RPS6KC1: variants seen among roughly 807,000 people sequenced by gnomAD.
The protein encoded by RPS6KC1 is ribosomal protein S6 kinase C1, also known as inactive ribosomal protein S6 kinase delta-1.
A neutral mutation model predicts 103.8 loss-of-function variants in RPS6KC1; 54 were observed. The observed-to-expected ratio is 0.52, with a 90% CI of 0.42 to 0.65. RPS6KC1 has a LOEUF of 0.65. Among genes scored for constraint, RPS6KC1 ranks in the 30% least tolerant of loss-of-function variants. RPS6KC1 has a pLI of 0.00. For synonymous variants in RPS6KC1, 439 were observed against 438.7 expected, an observed-to-expected ratio of 1.00 and a Z score of -0.01; for missense variants, 1,151 against 1,253.8, an observed-to-expected ratio of 0.92 and a Z score of 1.24.
At chr1:213,838,899 G>A in the RPS6KC1 span, among the ~76,000 whole-genome samples, 2 of 152,202 alleles carry the variant, frequency 1.3e-5, no homozygotes, top group Non-Finnish European at 2.9e-5. Context: ...TGGATTAGAT[G>A]CTTAAAGCAG....
chr1:213,339,221 A>ATTCT, the RPS6KC1 span, among the ~76,000 whole-genome samples: 3 of 152,170 alleles, frequency 2.0e-5, no homozygotes, highest in African/African-American at 7.2e-5. Context: ...AACTGAGACC[A>ATTCT]TGCCATTGCA....
chr1:213,460,216 C>T, the RPS6KC1 span, among the ~76,000 whole-genome samples: 1 of 152,072 alleles, frequency 6.6e-6, no homozygotes, highest in Admixed American at 6.5e-5. Flanking sequence ...GGGAGTCAGT[C>T]TCTTTGTAGG....
At chr1:213,363,675 T>G in the RPS6KC1 span, among the ~76,000 whole-genome samples, 69 of 96,098 alleles carry the variant, frequency 7.2e-4, no homozygotes, top group African/African-American at 1.6e-3. Context: ...TCTTTCTTTC[T>G]TTCTTTCTTT....
chr1:213,661,004 C>T, the RPS6KC1 span, among the ~76,000 whole-genome samples: 1 of 152,148 alleles, frequency 6.6e-6, no homozygotes, highest in Non-Finnish European at 1.5e-5. Context: ...CAGAAGTTTC[C>T]ACAGCCTTCC....
the RPS6KC1 span, among the ~76,000 whole-genome samples, chr1:213,470,599 C>A: frequency 2.3e-5 from 3 of 131,088 alleles, no homozygotes; most frequent in Admixed American, 1.6e-4. Context: ...TAGAATATTT[C>A]TTTTATTCTT....
At chr1:213,071,234 A>T (rs541711175) in intron 2 of RPS6KC1, among the ~76,000 whole-genome samples, 193 bp downstream of exon 2, 1 of 152,006 alleles carries the variant, frequency 6.6e-6, no homozygotes, top group South Asian at 2.1e-4. Flanking sequence ...GGTTCAAGTG[A>T]TTCTCCTGCC....
the RPS6KC1 span, among the ~76,000 whole-genome samples, chr1:213,740,552 A>G: frequency 6.6e-6 from 1 of 151,932 alleles, no homozygotes; most frequent in Non-Finnish European, 1.5e-5. Flanking sequence ...ATTCACATCT[A>G]ATAGAGACCA....
chr1:213,314,898 G>A, the RPS6KC1 span, among the ~76,000 whole-genome samples: 9 of 152,056 alleles, frequency 5.9e-5, no homozygotes, highest in African/African-American at 2.2e-4. Flanking sequence ...GAATGGCTGC[G>A]AGTCCCCCAC....
the RPS6KC1 span, among the ~76,000 whole-genome samples, chr1:213,362,895 A>G: frequency 1.3e-5 from 2 of 152,190 alleles, no homozygotes; most frequent in Admixed American, 6.5e-5. Flanking sequence ...TTGGACTTGA[A>G]CTGCAACATG....
the RPS6KC1 span, chr1:213,818,513 C>T: frequency 3.3e-5 from 5 of 152,282 alleles, no homozygotes; most frequent in African/African-American, 9.6e-5. Context: ...TCGTGTGACC[C>T]ATTTTATTGC....
At position 213,129,901 on chromosome 1, in the gene RPS6KC1, T is replaced by A; in HGVS notation, c.835+12T>A. The A allele has an allele frequency of 3.2e-6, 5 of 1,563,438 alleles. No individual in the cohort carries two copies. The highest frequency in any genetic ancestry group is 4.3e-6 in the Non-Finnish European group (5 of 1,164,432). ...AGAAGGTGTTCAAGGTATGGTTTTA[T>A]GTATATTATGTTTTGGCATGCTCTT... On this transcript the variant is annotated intron_variant, in intron 6 of 14. Coordinates refer to ENST00000366960, the MANE Select transcript of RPS6KC1 (RefSeq NM_012424.6).
the RPS6KC1 span, among the ~76,000 whole-genome samples, chr1:213,370,258 T>TTTTATTTTATTTTAC: frequency 2.1e-4 from 32 of 150,742 alleles, no homozygotes; most frequent in Middle Eastern, 6.8e-3. Flanking sequence ...ATTTATTTTA[T>TTTTATTTTATTTTAC]TTTATTTTAT....
chr1:213,522,374 A>G, the RPS6KC1 span, among the ~76,000 whole-genome samples: 1 of 152,228 alleles, frequency 6.6e-6, no homozygotes, highest in Admixed American at 6.5e-5. Flanking sequence ...CAGGCGGAGT[A>G]GATTTAGCAT....
intron 6 of RPS6KC1, among the ~76,000 whole-genome samples, chr1:213,133,763 A>G (rs139772445): frequency 1.1e-4 from 16 of 152,214 alleles, no homozygotes; most frequent in East Asian, 5.8e-4. Flanking sequence ...AAATTAAGCA[A>G]TTTGCTCAAG....
At chr1:213,582,697 G>C in the RPS6KC1 span, among the ~76,000 whole-genome samples, 1 of 152,348 alleles carries the variant, frequency 6.6e-6, no homozygotes, top group Non-Finnish European at 1.5e-5. Flanking sequence ...GAGCAGAGAA[G>C]TAATTTGGCC....
At chr1:213,098,429 A>C (rs1163851643) in intron 3 of RPS6KC1, among the ~76,000 whole-genome samples, 1 of 151,396 alleles carries the variant, frequency 6.6e-6, no homozygotes, top group East Asian at 1.9e-4. Context: ...GGTGTAAGCC[A>C]CTGCACCCTG....
chr1:213,596,794 A>G, the RPS6KC1 span, among the ~76,000 whole-genome samples: 4 of 152,230 alleles, frequency 2.6e-5, no homozygotes, highest in Non-Finnish European at 4.4e-5. Context: ...ATCCAGCACT[A>G]TGCCAAGAGT....
the RPS6KC1 span, among the ~76,000 whole-genome samples, chr1:213,481,942 A>G: frequency 5.9e-5 from 9 of 152,006 alleles, no homozygotes; most frequent in African/African-American, 2.2e-4. Flanking sequence ...TGTCCTTGTG[A>G]TGGCAAGTGA....
intron 6 of RPS6KC1, among the ~76,000 whole-genome samples, chr1:213,150,737 TC>T (rs777184542): frequency 9.4e-4 from 143 of 152,270 alleles, no homozygotes; most frequent in Non-Finnish European, 1.6e-3. Context: ...ACGGCAACCA[TC>T]CGATTTCTCA....
Sources: gnomAD v4.1 joint callset for allele counts (sites outside exome capture counted in the v4.1 genomes callset) on GRCh38, gnomAD v4.1.1 for gene constraint, MANE v1.5 for transcripts, NCBI Gene and HGNC (gene_info 2026-07-23, HGNC 2026-07-21) for gene names.